Variants in MALRD1 observed in about 807,000 individuals in gnomAD.
MALRD1 encodes MAM and LDL receptor class A domain containing 1.
In MALRD1, 247 loss-of-function variants were observed where a neutral mutation model predicts 242.1. The observed-to-expected ratio is 1.02, with a 90% CI of 0.92 to 1.13. The LOEUF is 1.13. Ranked by LOEUF, MALRD1 falls within the 50% of genes most tolerant of loss-of-function variation. MALRD1 has a pLI of 0.00. For missense variants in MALRD1, 2,989 were observed against 2,533.1 expected, an observed-to-expected ratio of 1.18 and a Z score of -3.86; for synonymous variants, 995 against 866.6, an observed-to-expected ratio of 1.15 and a Z score of -2.60.
intron 26 of MALRD1, among the ~76,000 whole-genome samples, chr10:19,380,650 TTAATA>T (rs1845797668): frequency 1.3e-5 from 2 of 152,086 alleles, no homozygotes; most frequent in African/African-American, 2.4e-5. Context: ...TTAAAGTAAT[TTAATA>T]TATTTATCAT....
intron 30 of MALRD1, among the ~76,000 whole-genome samples, chr10:19,497,296 CCTATT>C (rs1837765093): frequency 6.7e-6 from 1 of 150,030 alleles, no homozygotes; most frequent in Non-Finnish European, 1.5e-5. Flanking sequence ...ATAATAAAAA[CCTATT>C]CTATATTATA....
chr10:19,651,220 T>G (rs1369893148), intron 36 of MALRD1, among the ~76,000 whole-genome samples: 4 of 152,178 alleles, frequency 2.6e-5, no homozygotes, highest in Non-Finnish European at 5.9e-5. Flanking sequence ...AAGTTGATAT[T>G]TCTAGTTAAC....
At chr10:19,300,403 C>A (rs1396104607) in intron 21 of MALRD1, among the ~76,000 whole-genome samples, 1 of 151,880 alleles carries the variant, frequency 6.6e-6, no homozygotes, top group African/African-American at 2.4e-5. Context: ...GCCTGAATAG[C>A]AAGAGCAATC....
intron 11 of MALRD1, among the ~76,000 whole-genome samples, chr10:19,149,500 C>T (rs925791277): frequency 3.9e-5 from 6 of 152,010 alleles, no homozygotes; most frequent in African/African-American, 1.5e-4. Context: ...TATCTATGTT[C>T]ATATAGTCAC....
chr10:19,503,798 A>T (rs1838079672), intron 31 of MALRD1, among the ~76,000 whole-genome samples: 1 of 152,204 alleles, frequency 6.6e-6, no homozygotes, highest in African/African-American at 2.4e-5. Context: ...GTTACTTGGA[A>T]CTATCCCCTA....
intron 28 of MALRD1, among the ~76,000 whole-genome samples, chr10:19,414,614 G>A (rs1025210923): frequency 6.6e-6 from 1 of 152,114 alleles, no homozygotes; most frequent in East Asian, 1.9e-4. Context: ...TGAAAATTTG[G>A]TAGTTATTCT....
intron 33 of MALRD1, among the ~76,000 whole-genome samples, chr10:19,591,497 GTTTTTTTTT>G (rs35785107): frequency 8.6e-6 from 1 of 116,298 alleles, no homozygotes; most frequent in Non-Finnish European, 1.8e-5. Flanking sequence ...TTTTATTTTA[GTTTTTTTTT>G]TTTTTTTTTT....
At chr10:19,150,400 A>T (rs111665333) in intron 11 of MALRD1, among the ~76,000 whole-genome samples, 1 of 151,666 alleles carries the variant, frequency 6.6e-6, no homozygotes, top group African/African-American at 2.4e-5. Flanking sequence ...TTTAGGGGGG[A>T]CTGTCTGCAG....
At chr10:19,591,439 T>G (rs1035980979) in intron 33 of MALRD1, among the ~76,000 whole-genome samples, 4 of 151,852 alleles carry the variant, frequency 2.6e-5, no homozygotes, top group African/African-American at 9.7e-5. Context: ...CCATTAACAT[T>G]AACTTTCTTA....
intron 29 of MALRD1, among the ~76,000 whole-genome samples, chr10:19,465,816 A>G (rs1836193229): frequency 6.6e-6 from 1 of 152,150 alleles, no homozygotes; most frequent in Admixed American, 6.6e-5. Context: ...TAACTGAGCC[A>G]CCATGCTTGG....
At chr10:19,545,158 A>G (rs1028301503) in intron 32 of MALRD1, among the ~76,000 whole-genome samples, 2 of 152,050 alleles carry the variant, frequency 1.3e-5, no homozygotes, top group Non-Finnish European at 1.5e-5. Context: ...AGGCATATCT[A>G]TCCCTCATGT....
chr10:19,164,590 C>A (rs1834590168), intron 12 of MALRD1, among the ~76,000 whole-genome samples: 1 of 152,098 alleles, frequency 6.6e-6, no homozygotes, highest in African/African-American at 2.4e-5. Context: ...CATTTGACTG[C>A]AGCATATCTG....
intron 29 of MALRD1, among the ~76,000 whole-genome samples, chr10:19,462,284 A>G (rs1020477074): frequency 6.6e-6 from 1 of 152,174 alleles, no homozygotes; most frequent in African/African-American, 2.4e-5. Flanking sequence ...GCCACTATCT[A>G]CCTGCCCTAA....
chr10:19,084,589 G>A (rs1163839928), intron 2 of MALRD1, among the ~76,000 whole-genome samples: 3 of 151,900 alleles, frequency 2.0e-5, no homozygotes, highest in African/African-American at 7.3e-5. Context: ...GGAAGTACAA[G>A]GCTGCCCATC....
chr10:19,099,346 C>A (rs1268038685), intron 4 of MALRD1, among the ~76,000 whole-genome samples: 2 of 152,162 alleles, frequency 1.3e-5, no homozygotes, highest in Admixed American at 6.5e-5. Context: ...TGTATCAATG[C>A]CATCCAGATA....
chr10:19,143,485 C>G (rs1042984907), intron 10 of MALRD1, among the ~76,000 whole-genome samples: 1 of 152,140 alleles, frequency 6.6e-6, no homozygotes, highest in African/African-American at 2.4e-5. Context: ...ATTTGCTGCC[C>G]TAACAGTGCA....
intron 32 of MALRD1, among the ~76,000 whole-genome samples, chr10:19,546,807 T>C (rs1375334456): frequency 1.3e-5 from 2 of 152,212 alleles, no homozygotes; most frequent in East Asian, 1.9e-4. Flanking sequence ...ATTGCTTCTG[T>C]TGATTTATGT....
intron 19 of MALRD1, among the ~76,000 whole-genome samples, chr10:19,274,769 G>T (rs1321091363): frequency 6.6e-6 from 1 of 152,122 alleles, no homozygotes; most frequent in African/African-American, 2.4e-5. Flanking sequence ...AATTATTTAA[G>T]GTAGTCAATA....
At position 19,280,157 on chromosome 10, in the gene MALRD1, A is replaced by T. The variant is rs1272711710; in HGVS notation, c.3190A>T (p.Ile1064Phe). ...EFICRSDGHC[I>F]EKMQKCDFKY... ...TATCTGCAGGTCTGATGGTCACTGC[A>T]TTGAAAAAATGCAGAAATGTGATTT... Residue 1064 changes from isoleucine (I) to phenylalanine (F), a missense_variant, in exon 20 of 40, where the codon ATT (isoleucine) becomes TTT (phenylalanine). By Grantham distance (21) the Ile-to-Phe change is conservative. Coordinates refer to ENST00000454679, the MANE Select transcript of MALRD1 (RefSeq NM_001142308.3). The T allele has an allele frequency of 2.6e-6, 4 of 1,545,666 alleles. No homozygotes were observed. In the East Asian group the frequency reaches 9.8e-5, roughly 38 times the overall value.
Sources: allele counts gnomAD v4.1 joint callset (sites outside exome capture counted in the v4.1 genomes callset), GRCh38; gene constraint gnomAD v4.1.1; transcripts MANE v1.5; gene names NCBI Gene and HGNC (gene_info 2026-07-23, HGNC 2026-07-21).